ZNF423: variants seen among roughly 807,000 people sequenced by gnomAD.
The protein encoded by ZNF423 is Ebf-associated zinc finger protein.
Under a neutral mutation model 95.8 loss-of-function variants are expected in ZNF423, and 12 were observed. The observed-to-expected ratio is 0.13, with a 90% CI of 0.08 to 0.20. The LOEUF is 0.20. ZNF423 is among the 10% of genes least tolerant of loss of function. The pLI is 1.00. For synonymous variants in ZNF423, 749 were observed against 711.9 expected, an observed-to-expected ratio of 1.05 and a Z score of -0.83; for missense variants, 1,316 against 1,737.1, an observed-to-expected ratio of 0.76 and a Z score of 4.31.
chr16:49,663,259 T>C (rs2030339410), intron 3 of ZNF423, among the ~76,000 whole-genome samples: 1 of 152,180 alleles, frequency 6.6e-6, no homozygotes, highest in African/African-American at 2.4e-5. Flanking sequence ...TGAAACGCTG[T>C]GTAATTGCAG....
chr16:49,826,683 A>G (rs2035008739), intron 1 of ZNF423: 1 of 152,214 alleles, frequency 6.6e-6, no homozygotes, highest in African/African-American at 2.4e-5. Flanking sequence ...TCACCATTAC[A>G]GGGAATGTTT....
At chr16:49,820,549 A>C (rs1286785664) in intron 1 of ZNF423, among the ~76,000 whole-genome samples, 1 of 152,232 alleles carries the variant, frequency 6.6e-6, no homozygotes, top group Non-Finnish European at 1.5e-5. Flanking sequence ...GAAATAATTA[A>C]AGAACAGATG....
At position 49,638,042 on chromosome 16, in the gene ZNF423, G is replaced by A. The variant is rs1423221843; in HGVS notation, c.1134C>T (p.Ala378=). Residue 378 remains alanine (A), a synonymous_variant, in exon 4 of 8, where the codon GCC becomes GCT. Transcript: ENST00000563137. The surrounding 1 kb of genome is among the most constrained non-coding windows in gnomAD (Gnocchi z 5.6). The stretch of plus-strand genomic sequence containing the variant: ...CCACAGAGGCGCTGGAGTCGGGTGT[G>A]GCGCTGCTCATGGAGGCCACGCTGC... ...VLGSVASMSS[A]TPDSSASVER... The A allele has an allele frequency of 6.2e-7, 1 of 1,613,980 alleles. No individual in the cohort carries two copies. Among genetic ancestry groups the A allele is most frequent in the East Asian group, 2.2e-5 (1 of 44,878 alleles).
intron 7 of ZNF423, among the ~76,000 whole-genome samples, chr16:49,504,087 G>A (rs1967536157): frequency 6.6e-6 from 1 of 152,200 alleles, no homozygotes; most frequent in Admixed American, 6.5e-5. Context: ...TGGCTGCTGG[G>A]GGCTGGGAAA....
chr16:49,584,144 C>G (rs1970750442), intron 5 of ZNF423, among the ~76,000 whole-genome samples: 2 of 152,232 alleles, frequency 1.3e-5, no homozygotes, highest in South Asian at 4.1e-4. Context: ...TCCCACACTT[C>G]CCATGAAAAT....
At chr16:49,821,575 T>A (rs962842976) in intron 1 of ZNF423, among the ~76,000 whole-genome samples, 9 of 151,926 alleles carry the variant, frequency 5.9e-5, no homozygotes, top group Non-Finnish European at 8.8e-5. Context: ...GAACGGAGGG[T>A]CTCACTCTAA....
intron 1 of ZNF423, chr16:49,854,484 C>T (rs1419137254): frequency 1.0e-6 from 1 of 985,372 alleles, no homozygotes; most frequent in Non-Finnish European, 1.2e-6. Context: ...AGGAAATGAA[C>T]TTTTCAGAGC....
At chr16:49,805,384 A>G (rs1260552863) in intron 1 of ZNF423, among the ~76,000 whole-genome samples, 2 of 152,198 alleles carry the variant, frequency 1.3e-5, no homozygotes, top group African/African-American at 2.4e-5. Context: ...CTACAAAAGC[A>G]GGTACTCATC....
intron 3 of ZNF423, among the ~76,000 whole-genome samples, chr16:49,668,200 C>A (rs917850320): frequency 6.6e-6 from 1 of 152,138 alleles, no homozygotes; most frequent in Non-Finnish European, 1.5e-5. Flanking sequence ...GCCCCTACCC[C>A]CCACCCACCT....
At chr16:49,833,144 G>C (rs898833108) in intron 1 of ZNF423, among the ~76,000 whole-genome samples, 1 of 152,194 alleles carries the variant, frequency 6.6e-6, no homozygotes, top group African/African-American at 2.4e-5. Context: ...TGGGGTCCAC[G>C]CACAAGCTTG....
intron 3 of ZNF423, among the ~76,000 whole-genome samples, chr16:49,668,368 C>T (rs1217226987): frequency 6.6e-6 from 1 of 152,192 alleles, no homozygotes; most frequent in Non-Finnish European, 1.5e-5. Context: ...ACCTTGAGTC[C>T]TCCCAGGATG....
intron 5 of ZNF423, among the ~76,000 whole-genome samples, chr16:49,577,141 C>T (rs1228739660): frequency 5.9e-5 from 9 of 152,034 alleles, no homozygotes; most frequent in Middle Eastern, 3.2e-3. Context: ...GGCCAGCTGG[C>T]GTGGGGGGGT....
chr16:49,491,287 C>T lies in ZNF423; in HGVS notation c.3867G>A (p.Gln1289=), dbSNP rs768204840. ...GTTGAGCGATCCCTCACTGTGCGTGCTGGCTCATCGTGTGGTTCTGCAAAG... is the reference window on the plus strand; with the variant it reads ...GTTGAGCGATCCCTCACTGTGCGTGTTGGCTCATCGTGTGGTTCTGCAAAG... ...QTELQNHTMS[Q]HAQ Residue 1289 remains glutamine, a synonymous_variant, in exon 8 of 8, where the codon CAG becomes CAA. Transcript: ENST00000563137. 1 of 1,614,086 alleles carries T rather than the reference C, an allele frequency of 6.2e-7. No homozygotes were observed.
At chr16:49,697,525 C>T (rs1312101898) in intron 3 of ZNF423, among the ~76,000 whole-genome samples, 1 of 151,774 alleles carries the variant, frequency 6.6e-6, no homozygotes, top group African/African-American at 2.4e-5. Context: ...TGGAGGCCTG[C>T]GTCTCGTATG....
Position 49,636,121 on chromosome 16 carries a change from G to A in ZNF423, c.3055C>T (p.Pro1019Ser). The A allele has an allele frequency of 6.2e-7, 1 of 1,613,884 alleles. No individual in the cohort carries two copies. The highest frequency in any genetic ancestry group is 1.6e-4 in the Middle Eastern group (1 of 6,062). Residue 1019 changes from proline to serine, a missense_variant, in exon 4 of 8, where the codon CCT becomes TCT. Pro to Ser is a moderately conservative substitution (Grantham distance 74). Transcript: ENST00000563137. The surrounding 1 kb of genome is among the most constrained non-coding windows in gnomAD (Gnocchi z 8.6). ...CCCGTGAGTGAGTTGCGCAGGTCAG[G>A]GTGCATCTGGCAGTGCTCAATAAAC... ...EEFIEHCQMH[P>S]DLRNSLTGFR...
intron 3 of ZNF423, among the ~76,000 whole-genome samples, chr16:49,658,324 G>A (rs184652008): frequency 8.5e-5 from 13 of 152,228 alleles, no homozygotes; most frequent in Admixed American, 3.3e-4. Flanking sequence ...TGGGCTGGGC[G>A]CTGCAAGGAG....
chr16:49,648,227 A>G (rs1973249051), intron 3 of ZNF423, among the ~76,000 whole-genome samples: 1 of 152,248 alleles, frequency 6.6e-6, no homozygotes, highest in Non-Finnish European at 1.5e-5. Context: ...ACTCACAGTT[A>G]TGTGGGAAGC....
At chr16:49,504,032 G>C (rs904625118) in intron 7 of ZNF423, among the ~76,000 whole-genome samples, 11 of 152,198 alleles carry the variant, frequency 7.2e-5, no homozygotes, top group Admixed American at 3.3e-4. Context: ...TCTCTTGTAC[G>C]AGGTGCCTAA....
chr16:49,696,577 T>C (rs934362247), intron 3 of ZNF423, among the ~76,000 whole-genome samples: 4 of 152,054 alleles, frequency 2.6e-5, no homozygotes, highest in African/African-American at 9.7e-5. Flanking sequence ...CCTAGCCCCT[T>C]TGAAGTGCCC....
Sources: allele counts gnomAD v4.1 joint callset (sites outside exome capture counted in the v4.1 genomes callset), GRCh38; gene constraint gnomAD v4.1.1; non-coding constraint Gnocchi (gnomAD v3.1); transcripts MANE v1.5; gene names NCBI Gene and HGNC (gene_info 2026-07-23, HGNC 2026-07-21).